DOCK1: variants seen among roughly 807,000 people sequenced by gnomAD.
DOCK1 encodes the protein dedicator of cytokinesis 1.
In DOCK1, 138 loss-of-function variants were observed where a neutral mutation model predicts 262.7. The ratio of observed to expected loss-of-function variants is 0.53; its 90% CI spans 0.46 to 0.61. The LOEUF is 0.61. Ranked by LOEUF, DOCK1 falls within the 20% of genes least tolerant of loss-of-function variation. DOCK1 has a pLI of 0.00. For synonymous variants in DOCK1, 866 were observed against 867.4 expected (o/e 1.00, Z 0.03); for missense variants, 1,908 against 2,370.7 (o/e 0.80, Z 4.05).
rs1411550651 is a variant in DOCK1 at position 126,951,310 on chromosome 10, A to G, written c.47-19392A>G. Among the ~76,000 whole-genome samples, 5 of 150,434 alleles carry G rather than the reference A, an allele frequency of 3.3e-5. No homozygotes were observed. In the Admixed American group the frequency reaches 3.3e-4, roughly 10 times the overall value. Reference sequence around the variant, plus strand: ...TATTGGTAGTGTTAGTAGTGGTAGTATTGTTGGTAGTATTGTTGGTGATAG... The same window carrying G: ...TATTGGTAGTGTTAGTAGTGGTAGTGTTGTTGGTAGTATTGTTGGTGATAG... On this transcript the variant is annotated intron_variant, in intron 1 of 51. Transcript: ENST00000623213.
intron 1 of DOCK1, among the ~76,000 whole-genome samples, chr10:126,968,179 C>T (rs575999964): frequency 6.6e-6 from 1 of 152,156 alleles, no homozygotes; most frequent in South Asian, 2.1e-4. Context: ...GCCGTGAAAG[C>T]TTTTGGAGTC....
intron 3 of DOCK1, among the ~76,000 whole-genome samples, chr10:126,978,839 A>C (rs753278291): frequency 2.6e-5 from 4 of 151,998 alleles, no homozygotes; most frequent in Non-Finnish European, 5.9e-5. Context: ...AAGTCCTCCA[A>C]AGTCTAGTGG....
At chr10:127,139,138 C>T (rs2050982294) in intron 27 of DOCK1, among the ~76,000 whole-genome samples, 6 of 152,292 alleles carry the variant, frequency 3.9e-5, no homozygotes, top group African/African-American at 1.2e-4. Flanking sequence ...AAAGGCTCAG[C>T]GTTGATGATA....
chr10:127,415,259 G>A (rs775438874), intron 44 of DOCK1, 21 bp downstream of exon 44: 32 of 1,607,858 alleles, frequency 2.0e-5, no homozygotes, highest in Non-Finnish European at 2.7e-5. Context: ...CCCCACCCCA[G>A]AAGGAATTGT....
chr10:127,075,637 C>T (rs770854476), intron 23 of DOCK1, among the ~76,000 whole-genome samples: 10 of 152,108 alleles, frequency 6.6e-5, no homozygotes, highest in Non-Finnish European at 1.2e-4. Flanking sequence ...GAAGCAAGGA[C>T]CTTCTTCACA....
chr10:127,373,894 T>C, intron 34 of DOCK1, 28 bp downstream of exon 34: 2 of 1,585,696 alleles, frequency 1.3e-6, no homozygotes, highest in African/African-American at 1.3e-5. Context: ...GTGGGATTTA[T>C]GTCTGAGAGA....
chr10:126,981,983 G>C lies in DOCK1; in HGVS notation c.227+10G>C, dbSNP rs1445464846. ...TAGTTGAAGGAAAAGGGTGAGTCTGGTCTTGATGTTTAAATGAAGAATTGC... is the reference window on the plus strand; with the variant it reads ...TAGTTGAAGGAAAAGGGTGAGTCTGCTCTTGATGTTTAAATGAAGAATTGC... On this transcript the variant is annotated intron_variant, in intron 4 of 51. Coordinates refer to ENST00000623213, the MANE Select transcript of DOCK1 (RefSeq NM_001290223.2). 2 of 1,612,800 alleles carry C rather than the reference G, an allele frequency of 1.2e-6. No individual in the cohort carries two copies. Among genetic ancestry groups the C allele is most frequent in the African/African-American group, 1.3e-5 (1 of 74,794 alleles).
chr10:127,347,617 C>T (rs924043163), intron 31 of DOCK1, among the ~76,000 whole-genome samples: 1 of 150,926 alleles, frequency 6.6e-6, no homozygotes, highest in Non-Finnish European at 1.5e-5. Context: ...GAGTCAACCT[C>T]ACACTCTGGG....
intron 27 of DOCK1, among the ~76,000 whole-genome samples, chr10:127,236,693 T>C (rs188524460): frequency 3.3e-4 from 50 of 152,038 alleles, no homozygotes; most frequent in African/African-American, 1.2e-3. Context: ...CTTATTTGAC[T>C]CCCGTGTCAA....
intron 32 of DOCK1, 104 bp downstream of exon 32, chr10:127,354,831 C>CT: frequency 1.5e-6 from 2 of 1,373,308 alleles, no homozygotes; most frequent in Non-Finnish European, 2.0e-6. Flanking sequence ...ATCTTAATGG[C>CT]TTCTGTTCCT....
At chr10:127,017,635 A>G (rs1018908196) in intron 12 of DOCK1, among the ~76,000 whole-genome samples, 9 of 151,998 alleles carry the variant, frequency 5.9e-5, no homozygotes, top group African/African-American at 1.7e-4. Context: ...GCGCATACCC[A>G]TGCTAGTAGC....
At chr10:127,277,523 C>T (rs781133590) in intron 29 of DOCK1, among the ~76,000 whole-genome samples, 14 of 151,936 alleles carry the variant, frequency 9.2e-5, no homozygotes, top group Non-Finnish European at 1.9e-4. Flanking sequence ...TTTGGGAGGC[C>T]GAGGCAGGTG....
At chr10:127,221,417 A>G (rs924292685) in intron 27 of DOCK1, among the ~76,000 whole-genome samples, 7 of 152,158 alleles carry the variant, frequency 4.6e-5, no homozygotes, top group African/African-American at 9.7e-5. Flanking sequence ...ATTGATCCTC[A>G]TGTATGTTAA....
chr10:127,144,815 A>G (rs1377795951), intron 27 of DOCK1, among the ~76,000 whole-genome samples: 2 of 152,214 alleles, frequency 1.3e-5, no homozygotes, highest in African/African-American at 4.8e-5. Flanking sequence ...TGGTAGGTGC[A>G]TTAATCAATG....
In DOCK1 at chr10:127,265,132, G is replaced by A. The variant is rs1437937978; in HGVS notation, c.3044+7703G>A. Among the ~76,000 whole-genome samples the A allele has an allele frequency of 3.9e-5, 6 of 152,180 alleles. No individual in the cohort carries two copies. The East Asian group carries it at 5.8e-4, about 15-fold the overall frequency. ...CAGCATGTTGGTTATAACAGTGGTT[G>A]GTTATAATTGGACTTGTCTGAAAGA... On this transcript the variant is annotated intron_variant, in intron 29 of 51. Transcript: ENST00000623213.
At chr10:127,385,430 TA>T (rs3078941) in intron 38 of DOCK1, among the ~76,000 whole-genome samples, 4 of 147,214 alleles carry the variant, frequency 2.7e-5, no homozygotes, top group Admixed American at 6.7e-5. Flanking sequence ...AGTAACTATT[TA>T]AAAAAAAAAG....
At chr10:127,139,222 G>T (rs1392278629) in intron 27 of DOCK1, among the ~76,000 whole-genome samples, 1 of 152,120 alleles carries the variant, frequency 6.6e-6, no homozygotes, top group African/African-American at 2.4e-5. Flanking sequence ...TATTGATTTA[G>T]AGAACCATTA....
chr10:127,152,938 T>G (rs1293349894), intron 27 of DOCK1, among the ~76,000 whole-genome samples: 1 of 152,202 alleles, frequency 6.6e-6, no homozygotes, highest in African/African-American at 2.4e-5. Context: ...AGGCTTTCCC[T>G]TGGGAGAGAA....
In DOCK1 at chr10:126,948,516, C is replaced by A. The variant is rs1408160530; in HGVS notation, c.47-22186C>A. Among the ~76,000 whole-genome samples the A allele has an allele frequency of 4.0e-5, 6 of 151,898 alleles. No homozygotes were observed. The East Asian group carries it at 7.7e-4, about 20-fold the overall frequency. On this transcript the variant is annotated intron_variant, in intron 1 of 51. Coordinates refer to ENST00000623213, the MANE Select transcript of DOCK1 (RefSeq NM_001290223.2). Reference sequence around the variant, plus strand: ...AAGGTGGTAATACTGTCCAGCCGGGCCTTTTGAGGGCATCTGGATGAACCT... The same window carrying A: ...AAGGTGGTAATACTGTCCAGCCGGGACTTTTGAGGGCATCTGGATGAACCT...
Sources: allele counts gnomAD v4.1 joint callset (sites outside exome capture counted in the v4.1 genomes callset), GRCh38; gene constraint gnomAD v4.1.1; transcripts MANE v1.5; gene names NCBI Gene and HGNC (gene_info 2026-07-23, HGNC 2026-07-21).